SLC37A3: variants seen among roughly 807,000 people sequenced by gnomAD.
SLC37A3 encodes the protein solute carrier family 37 member 3.
In SLC37A3, 51 loss-of-function variants were observed where a neutral mutation model predicts 67.1. The ratio of observed to expected loss-of-function variants is 0.76; its 90% confidence interval spans 0.61 to 0.96. The LOEUF is 0.96. SLC37A3 is among the 40% of genes least tolerant of loss of function. The pLI, the probability that SLC37A3 is intolerant of heterozygous loss-of-function variation, is 0.00. For synonymous variants in SLC37A3, 214 were observed against 231.4 expected, an observed-to-expected ratio of 0.92 and a Z score of 0.68; for missense variants, 508 against 603.0, an observed-to-expected ratio of 0.84 and a Z score of 1.65.
At chr7:140,389,685 T>C (rs896042286) in intron 1 of SLC37A3, among the ~76,000 whole-genome samples, 3 of 152,196 alleles carry the variant, frequency 2.0e-5, no homozygotes, top group Non-Finnish European at 4.4e-5. Flanking sequence ...GCGCAATCAC[T>C]GCTAAGTAAA....
chr7:140,352,833 C>G (rs910771588), intron 7 of SLC37A3, among the ~76,000 whole-genome samples: 1 of 152,142 alleles, frequency 6.6e-6, no homozygotes, highest in African/African-American at 2.4e-5. Context: ...AACCCCCAGG[C>G]TGCACAGCTG....
chr7:140,397,654 G>A (rs1798992324), intron 1 of SLC37A3, among the ~76,000 whole-genome samples: 1 of 152,114 alleles, frequency 6.6e-6, no homozygotes, highest in Non-Finnish European at 1.5e-5. Flanking sequence ...ATATATTTAT[G>A]TATGTATAAA....
chr7:140,345,219 T>C lies in SLC37A3; in HGVS notation c.1171A>G (p.Thr391Ala), dbSNP rs1796507353. 6.2e-7 allele frequency: 1 copy of C among 1,613,658 alleles called. No individual in the cohort carries two copies. The highest frequency in any genetic ancestry group is 8.5e-7 in the Non-Finnish European group (1 of 1,179,598). Residue 391 changes from threonine (T) to alanine (A), a missense_variant, in exon 12 of 15, where the codon ACA (threonine) becomes GCA (alanine). By Grantham distance (58) the Thr-to-Ala change is moderately conservative. Coordinates refer to ENST00000326232, the MANE Select transcript of SLC37A3 (RefSeq NM_207113.3). ...KSINALLMTVTGFFIGGPSNM... is the reference protein window; with the variant it reads ...KSINALLMTVAGFFIGGPSNM... ...GGAGCAGAGCCATGTGCCGTACCTG[T>C]AACAGTCATCAGAAGGGCATTGATG...
rs778300196 is a variant in SLC37A3 at position 140,345,307 on chromosome 7, G to C, written c.1127-44C>G. 2.0e-6 allele frequency: 3 copies of C among 1,517,516 alleles called. No individual in the cohort carries two copies. The Admixed American group carries it at 5.0e-5, about 25-fold the overall frequency. 94.0% of individuals were successfully genotyped at this position (1,517,516 alleles called of 1,614,324 possible). ...ACAAACCATGGTGGCTTGAAAAGCA[G>C]ACTCCACGTGCCTCTGCCAACCGTA... On this transcript the variant is annotated intron_variant, in intron 11 of 14. Transcript: ENST00000326232.
At chr7:140,348,236 A>G (rs1796645964) in intron 10 of SLC37A3, among the ~76,000 whole-genome samples, 1 of 152,168 alleles carries the variant, frequency 6.6e-6, no homozygotes, top group Non-Finnish European at 1.5e-5. Context: ...GAACACGTTC[A>G]TATTCTAACT....
chr7:140,395,568 T>C (rs1030704251), intron 1 of SLC37A3, among the ~76,000 whole-genome samples: 30 of 150,714 alleles, frequency 2.0e-4, no homozygotes, highest in African/African-American at 7.3e-4. Context: ...ATTGGCCAGG[T>C]GTGGTGGTGG....
chr7:140,346,618 T>C (rs7787847), intron 10 of SLC37A3, among the ~76,000 whole-genome samples: 4,441 of 152,312 alleles, frequency 0.029, 197 homozygotes, highest in African/African-American at 0.1. Flanking sequence ...AACTATGCCT[T>C]GCTGGGCATG....
At chr7:140,352,997 G>A (rs922042506) in intron 7 of SLC37A3, among the ~76,000 whole-genome samples, 6 of 152,092 alleles carry the variant, frequency 3.9e-5, no homozygotes, top group African/African-American at 1.4e-4. Context: ...CCAGGTGTGA[G>A]GCTAAGAAGC....
chr7:140,351,971 T>C (rs1192295857), intron 8 of SLC37A3, 91 bp downstream of exon 8: 2 of 1,300,876 alleles, frequency 1.5e-6, no homozygotes, highest in East Asian at 2.5e-5. Context: ...AGAGTTTTCC[T>C]AGGAAAAAAG....
At position 140,334,359 on chromosome 7, in the gene SLC37A3, T is replaced by C. The variant is rs1270921965; in HGVS notation, c.*1053A>G. ...GTCCAGTCAGGGGTATTAAATGCAT[T>C]TGACTTCCAATGGGTTTACTGGGAC... On this transcript the variant is annotated 3_prime_UTR_variant, in exon 15 of 15. Coordinates refer to ENST00000326232, the MANE Select transcript of SLC37A3 (RefSeq NM_207113.3). 1 of 152,314 alleles carries C rather than the reference T, an allele frequency of 6.6e-6. No homozygotes were observed. The highest frequency in any genetic ancestry group is 1.5e-5 in the Non-Finnish European group (1 of 68,040). 9.4% of individuals were successfully genotyped at this position (152,314 alleles called of 1,614,324 possible). A position where few individuals can be genotyped will look rare whatever the true frequency, so the allele number is the denominator to read the frequency against.
intron 3 of SLC37A3, among the ~76,000 whole-genome samples, chr7:140,373,162 G>T (rs1051134126): frequency 4.6e-5 from 7 of 152,034 alleles, no homozygotes; most frequent in Admixed American, 1.3e-4. Flanking sequence ...TGTTGGTCAG[G>T]CTGGTCTCGA....
chr7:140,345,253 A>G lies in SLC37A3; in HGVS notation c.1137T>C (p.Asn379=), dbSNP rs766288994. Residue 379 remains asparagine, a synonymous_variant, in exon 12 of 15, where the codon AAT becomes AAC. Coordinates refer to ENST00000326232, the MANE Select transcript of SLC37A3 (RefSeq NM_207113.3). The part of the protein sequence containing the change: ...GSLIGYSRSP[N]DKSINALLMT... ...TCAGAAGGGCATTGATGGACTTATC[A>G]TTTGGAGAACCTGTGAGGGAAGACA... is the stretch of plus-strand genomic sequence containing the variant. 44 of 1,614,120 alleles carry G rather than the reference A, an allele frequency of 2.7e-5. No individual in the cohort carries two copies. Among genetic ancestry groups the G allele is most frequent in the Non-Finnish European group, 3.6e-5 (43 of 1,179,966 alleles).
intron 1 of SLC37A3, among the ~76,000 whole-genome samples, chr7:140,393,562 G>A (rs544074713): frequency 6.6e-6 from 1 of 152,144 alleles, no homozygotes; most frequent in African/African-American, 2.4e-5. Context: ...CTTTGTGTTT[G>A]TTCTTCCACG....
intron 8 of SLC37A3, 144 bp from the exon 9 acceptor site, chr7:140,351,595 A>T: frequency 1.4e-6 from 1 of 739,798 alleles, no homozygotes; most frequent in Non-Finnish European, 2.2e-6. Flanking sequence ...AGGTCAACTA[A>T]GGTCAATTAA....
chr7:140,379,426 G>C (rs1292037718), intron 3 of SLC37A3: 1 of 150,120 alleles, frequency 6.7e-6, no homozygotes, highest in African/African-American at 2.5e-5. Context: ...AGTGAGCTGA[G>C]ATCGCACCAC....
intron 5 of SLC37A3, among the ~76,000 whole-genome samples, chr7:140,359,722 TA>T (rs1169899266): frequency 6.6e-6 from 1 of 152,194 alleles, no homozygotes; most frequent in Non-Finnish European, 1.5e-5. Flanking sequence ...GTATGTATAA[TA>T]CTGTCTAGTT....
intron 5 of SLC37A3, 24 bp downstream of exon 5, chr7:140,364,378 AAATAAT>A (rs756802270): frequency 8.2e-6 from 13 of 1,592,666 alleles, no homozygotes; most frequent in South Asian, 2.3e-5. Context: ...TACCTGACCA[AAATAAT>A]AATAATAAGA....
intron 1 of SLC37A3, among the ~76,000 whole-genome samples, chr7:140,389,696 A>G (rs540385245): frequency 6.6e-6 from 1 of 152,332 alleles, no homozygotes; most frequent in African/African-American, 2.4e-5. Context: ...GCTAAGTAAA[A>G]GATGACTTCG....
chr7:140,377,215 T>G (rs1798068367), intron 3 of SLC37A3, among the ~76,000 whole-genome samples: 1 of 151,570 alleles, frequency 6.6e-6, no homozygotes, highest in African/African-American at 2.4e-5. Flanking sequence ...AAAGTGTTTT[T>G]TTTTTTGTTT....
Sources: allele counts gnomAD v4.1 joint callset (sites outside exome capture counted in the v4.1 genomes callset), GRCh38; gene constraint gnomAD v4.1.1; transcripts MANE v1.5; gene names NCBI Gene and HGNC (gene_info 2026-07-23, HGNC 2026-07-21).